PPARGC1B: variants seen among roughly 807,000 people sequenced by gnomAD.
PPARGC1B encodes the protein PPARG coactivator 1 beta.
A neutral mutation model predicts 101.6 loss-of-function variants in PPARGC1B; 34 were observed. The observed-to-expected ratio is 0.33, with a 90% CI of 0.25 to 0.45. PPARGC1B has a LOEUF of 0.45. PPARGC1B is among the 20% of genes least tolerant of loss of function. The probability of loss-of-function intolerance (pLI) is 1.00; values close to 1 mark genes in which losing one functional copy is unlikely to be tolerated. For missense variants in PPARGC1B, 1,234 were observed against 1,317.6 expected (o/e 0.94, Z 0.98); for synonymous variants, 548 against 539.3 (o/e 1.02, Z -0.22).
At chr5:149,750,452 A>AT (rs1255829080) in intron 1 of PPARGC1B, among the ~76,000 whole-genome samples, 27 of 56,308 alleles carry the variant, frequency 4.8e-4, no homozygotes, top group African/African-American at 2.1e-3. Context: ...GTTTTAGTTA[A>AT]AATATATATA....
At chr5:149,752,643 A>G (rs1253812482) in intron 1 of PPARGC1B, among the ~76,000 whole-genome samples, 1 of 152,234 alleles carries the variant, frequency 6.6e-6, no homozygotes, top group Non-Finnish European at 1.5e-5. Context: ...AGCCTGGCTA[A>G]CATGGTGAAA....
chr5:149,732,112 C>G (rs1340736666), intron 1 of PPARGC1B, among the ~76,000 whole-genome samples: 1 of 152,066 alleles, frequency 6.6e-6, no homozygotes, highest in Non-Finnish European at 1.5e-5. Context: ...GTACCTTTAC[C>G]TCTGACGAAA....
chr5:149,732,205 C>T (rs1754521599), intron 1 of PPARGC1B, among the ~76,000 whole-genome samples: 1 of 152,200 alleles, frequency 6.6e-6, no homozygotes, highest in Admixed American at 6.5e-5. Flanking sequence ...GTCCCAGCCT[C>T]AGTACCCCCA....
chr5:149,784,628 C>T lies in PPARGC1B; in HGVS notation c.79-35805C>T, dbSNP rs940264499. ...TGTCGCCCAGGCTGGAGTGCAGTGG[C>T]GCAATCTCGGCTCACTGCAAGATCC... is the stretch of plus-strand genomic sequence containing the variant. On this transcript the variant is annotated intron_variant, in intron 1 of 11. Coordinates refer to ENST00000309241, the MANE Select transcript of PPARGC1B (RefSeq NM_133263.4). Among the ~76,000 whole-genome samples the T allele has an allele frequency of 1.0e-4, 14 of 136,412 alleles. No homozygotes were observed. In the East Asian group the frequency reaches 1.4e-3, roughly 14 times the overall value. 89.5% of individuals were successfully genotyped at this position (136,412 alleles called of 152,430 possible).
At chr5:149,777,382 A>C (rs971113189) in intron 1 of PPARGC1B, among the ~76,000 whole-genome samples, 1 of 151,220 alleles carries the variant, frequency 6.6e-6, no homozygotes, top group African/African-American at 2.4e-5. Flanking sequence ...TCCTCCCCCC[A>C]CCACCCAAAC....
chr5:149,768,309 C>T (rs1755993297), intron 1 of PPARGC1B, among the ~76,000 whole-genome samples: 1 of 152,200 alleles, frequency 6.6e-6, no homozygotes, highest in Non-Finnish European at 1.5e-5. Flanking sequence ...AGGTCTGGCT[C>T]TGTCAGCCAG....
intron 11 of PPARGC1B, chr5:149,846,352 G>A (rs1001266639): frequency 4.0e-6 from 1 of 252,194 alleles, no homozygotes; most frequent in Non-Finnish European, 7.5e-6. Context: ...AGAATTACTT[G>A]GCCAGGCTCA....
rs1759000823 is a variant in PPARGC1B at position 149,835,292 on chromosome 5, C to G, written c.1743-9C>G. On this transcript the variant is annotated splice_polypyrimidine_tract_variant and intron_variant, in intron 6 of 11. Coordinates refer to ENST00000309241, the MANE Select transcript of PPARGC1B (RefSeq NM_133263.4). ...CTTCTTTCCTTTCTGTCCTCCCTGC[C>G]TCCACCAGCGACCCAACTTTTGGCA... is the stretch of plus-strand genomic sequence containing the variant. The G allele has an allele frequency of 6.2e-7, 1 of 1,613,958 alleles. No individual in the cohort carries two copies. The highest frequency in any genetic ancestry group is 1.7e-5 in the Admixed American group (1 of 60,016).
At chr5:149,752,009 T>C (rs563830444) in intron 1 of PPARGC1B, among the ~76,000 whole-genome samples, 28 of 152,294 alleles carry the variant, frequency 1.8e-4, no homozygotes, top group African/African-American at 6.5e-4. Context: ...AAATTGCCAA[T>C]TGTAGAGTCA....
Position 149,842,329 on chromosome 5 carries a change from A to G in PPARGC1B, c.2768A>G (p.Glu923Gly), listed in dbSNP as rs576803069. The change falls in exon 10 of 12, where the codon GAA becomes GGA. Residue 923 changes from glutamate to glycine, a missense_variant. Around this residue, in one of 3 missense-constraint regions of PPARGC1B, gnomAD observed 497 missense variants for 529.5 expected, o/e 0.94. Coordinates refer to ENST00000309241, the MANE Select transcript of PPARGC1B (RefSeq NM_133263.4). Reference protein sequence around the residue: ...MSSRELKRRFEVFGEIEECEV... With the variant: ...MSSRELKRRFGVFGEIEECEV... ...TCCCGAGAGCTGAAGAGGCGCTTTG[A>G]AGTGTTTGGTGAGATTGAGGAGTGC... 386 of 1,614,142 alleles carry G rather than the reference A, an allele frequency of 2.4e-4. No individual in the cohort carries two copies. The highest frequency in any genetic ancestry group is 8.3e-4 in the Admixed American group (50 of 60,024).
chr5:149,798,804 G>A (rs1056394162), intron 1 of PPARGC1B, among the ~76,000 whole-genome samples: 5 of 152,196 alleles, frequency 3.3e-5, no homozygotes, highest in Admixed American at 6.5e-5. Context: ...GGACTGGACA[G>A]TCTGTCTACC....
At chr5:149,799,693 G>GTTGTTGTTGTTTTTTTT (rs752427488) in intron 1 of PPARGC1B, among the ~76,000 whole-genome samples, 3 of 76,478 alleles carry the variant, frequency 3.9e-5, no homozygotes, top group African/African-American at 1.7e-4. Flanking sequence ...GCTTGTTGTT[G>GTTGTTGTTGTTTTTTTT]TTTTTTTTTT....
chr5:149,761,969 C>T (rs949278268), intron 1 of PPARGC1B, among the ~76,000 whole-genome samples: 1 of 152,072 alleles, frequency 6.6e-6, no homozygotes, highest in Admixed American at 6.5e-5. Context: ...CAAGTTTTTG[C>T]TCTTGGGATT....
intron 1 of PPARGC1B, among the ~76,000 whole-genome samples, chr5:149,757,800 G>A (rs549516911): frequency 3.3e-5 from 5 of 152,306 alleles, no homozygotes; most frequent in East Asian, 1.9e-4. Context: ...AGAAACTAGC[G>A]TGGCTAGCTC....
At chr5:149,818,857 ATAT>A in intron 1 of PPARGC1B, 1 of 456,674 alleles carries the variant, frequency 2.2e-6, no homozygotes, top group African/African-American at 2.0e-5. Flanking sequence ...TATAAGGCAG[ATAT>A]TGTTGTTGTC....
At chr5:149,782,838 T>G (rs1756642220) in intron 1 of PPARGC1B, among the ~76,000 whole-genome samples, 1 of 152,210 alleles carries the variant, frequency 6.6e-6, no homozygotes, top group Non-Finnish European at 1.5e-5. Context: ...CCCACAGGGC[T>G]GGCCTGGGCT....
At position 149,836,848 on chromosome 5, in the gene PPARGC1B, G is replaced by A. The variant is rs1214268530; in HGVS notation, c.2393G>A (p.Ser798Asn). The change falls in exon 8 of 12, where the codon AGC becomes AAC. Residue 798 changes from serine to asparagine, a missense_variant. Ser to Asn is a conservative substitution (Grantham distance 46). Around this residue, in one of 3 missense-constraint regions of PPARGC1B, gnomAD observed 497 missense variants for 529.5 expected, o/e 0.94. Transcript: ENST00000309241. ...YDTVFEDSSS[S>N]SGESSFLPEE... is the part of the protein sequence containing the mutation. ...ACTGTCTTTGAAGACAGCAGCAGCA[G>A]CAGCGGCGAGAGCAGCTTCCTCCCA... 6.2e-7 allele frequency: 1 copy of A among 1,613,150 alleles called. No homozygotes were observed. Among genetic ancestry groups the A allele is most frequent in the Admixed American group, 1.7e-5 (1 of 60,028 alleles).
chr5:149,845,654 G>T, intron 10 of PPARGC1B, 106 bp from the exon 11 acceptor site: 4 of 1,179,960 alleles, frequency 3.4e-6, no homozygotes, highest in Non-Finnish European at 4.8e-6. Context: ...CACGTGATGT[G>T]GGTATCGAAT....
intron 1 of PPARGC1B, among the ~76,000 whole-genome samples, chr5:149,810,992 G>T (rs960494452): frequency 6.6e-6 from 1 of 152,228 alleles, no homozygotes; most frequent in Admixed American, 6.5e-5. Flanking sequence ...TCTAATGAGA[G>T]TGGAAACTAC....
Sources: allele counts gnomAD v4.1 joint callset (sites outside exome capture counted in the v4.1 genomes callset), GRCh38; gene constraint gnomAD v4.1.1; regional missense constraint gnomAD v4.1.1; transcripts MANE v1.5; gene names NCBI Gene and HGNC (gene_info 2026-07-23, HGNC 2026-07-21).